Variants in FGF13 observed in about 807,000 individuals in gnomAD.
The protein encoded by FGF13 is fibroblast growth factor 13.
A neutral mutation model predicts 19.5 loss-of-function variants in FGF13; 2 were observed. The ratio of observed to expected loss-of-function variants is 0.10; its 90% CI spans 0.04 to 0.32. The LOEUF (loss-of-function observed/expected upper bound fraction) is 0.32. FGF13 is among the 10% of genes least tolerant of loss of function. FGF13 has a pLI of 1.00. For synonymous variants in FGF13, 72 were observed against 76.9 expected (o/e 0.94, Z 0.33); for missense variants, 113 against 192.7 (o/e 0.59, Z 2.45).
At chrX:138,954,239 T>C in intron 1 of FGF13, among the ~76,000 whole-genome samples, 1 of 111,624 alleles carries the variant, frequency 9.0e-6, no homozygotes, top group Non-Finnish European at 1.9e-5. Context: ...CTCTGTTGTA[T>C]GACAAACGCT....
chrX:138,673,637 C>A (rs992682188), intron 3 of FGF13, among the ~76,000 whole-genome samples: 2 of 111,280 alleles, frequency 1.8e-5, no homozygotes, highest in African/African-American at 6.5e-5. Context: ...TTTTAAGGAC[C>A]CCTTTTTCTT....
intron 3 of FGF13, among the ~76,000 whole-genome samples, chrX:138,700,724 G>C: frequency 9.0e-6 from 1 of 111,627 alleles, no homozygotes; most frequent in Non-Finnish European, 1.9e-5. Context: ...TCATCAAGCA[G>C]GCATATTTCC....
chrX:138,802,601 T>C (rs2124000626), intron 3 of FGF13, among the ~76,000 whole-genome samples: 1 of 111,833 alleles, frequency 8.9e-6, no homozygotes, highest in Admixed American at 9.5e-5. Flanking sequence ...TCTGATATTA[T>C]TGGCCAACTC....
chrX:138,704,341 AAAAAT>A (rs1246854730), intron 2 of FGF13, among the ~76,000 whole-genome samples: 1 of 111,591 alleles, frequency 9.0e-6, no homozygotes, highest in African/African-American at 3.3e-5. Flanking sequence ...CACTGTGAAT[AAAAAT>A]AAAACAGTAC....
At chrX:138,739,453 A>G, upstream of FGF13, 1 of 353,759 alleles carries the variant, frequency 2.8e-6, no homozygotes, top group East Asian at 4.6e-5. Context: ...ACAGACCATT[A>G]TGGCTCTCCC....
chrX:138,936,949 G>T (rs1397262683), intron 1 of FGF13, among the ~76,000 whole-genome samples: 1 of 111,794 alleles, frequency 8.9e-6, no homozygotes, highest in Non-Finnish European at 1.9e-5. Flanking sequence ...GGATGAGTGT[G>T]ACTTTGGCTT....
At chrX:139,031,868 T>A (rs2092227836) in intron 1 of FGF13, among the ~76,000 whole-genome samples, 1 of 111,075 alleles carries the variant, frequency 9.0e-6, no homozygotes, top group Non-Finnish European at 1.9e-5. Flanking sequence ...TCTACAGATG[T>A]ATTTTATAAC....
At chrX:138,964,332 C>T (rs374712317) in intron 1 of FGF13, among the ~76,000 whole-genome samples, 4 of 111,807 alleles carry the variant, frequency 3.6e-5, no homozygotes, top group African/African-American at 1.3e-4. Flanking sequence ...TGACCCCCCA[C>T]TATTTTTCTA....
At chrX:138,983,435 A>ATATATATATATATATATAT (rs2091972786) in intron 1 of FGF13, among the ~76,000 whole-genome samples, 1 of 23,835 alleles carries the variant, frequency 4.2e-5, no homozygotes, top group South Asian at 1.5e-3. Flanking sequence ...TATATATATG[A>ATATATATATATATATATAT]GTTTATTTCT....
intron 3 of FGF13, among the ~76,000 whole-genome samples, chrX:138,805,941 T>G (rs751901005): frequency 4.5e-5 from 5 of 111,632 alleles, no homozygotes; most frequent in Non-Finnish European, 7.5e-5. Flanking sequence ...ATTAAAAAAG[T>G]CTACAACCCT....
chrX:138,838,597 T>C (rs2091128944), intron 3 of FGF13, among the ~76,000 whole-genome samples: 1 of 111,974 alleles, frequency 8.9e-6, no homozygotes, highest in Admixed American at 9.4e-5. Flanking sequence ...ATGGGTTGAG[T>C]TGTTTCCTTC....
chrX:139,131,059 CT>C (rs754019839), intron 1 of FGF13, among the ~76,000 whole-genome samples: 1 of 109,246 alleles, frequency 9.2e-6, no homozygotes, highest in African/African-American at 3.3e-5. Flanking sequence ...CTATAATTTT[CT>C]TTTTTTTTGT....
At chrX:138,885,285 A>C (rs1277704932) in intron 1 of FGF13, among the ~76,000 whole-genome samples, 1 of 111,505 alleles carries the variant, frequency 9.0e-6, no homozygotes, top group African/African-American at 3.3e-5. Flanking sequence ...ATGGAACCAT[A>C]GGATTGGTCT....
chrX:138,984,588 A>AAGGAGG (rs1162674246), intron 1 of FGF13, among the ~76,000 whole-genome samples: 714 of 11,428 alleles, frequency 0.062, 216 homozygotes, highest in Non-Finnish European at 0.1. Flanking sequence ...GAAGAAGAAG[A>AAGGAGG]AGGAGGAGGA....
intron 1 of FGF13, among the ~76,000 whole-genome samples, chrX:138,972,137 G>A (rs749689525): frequency 8.6e-4 from 92 of 107,496 alleles, no homozygotes; most frequent in African/African-American, 3.0e-3. Flanking sequence ...TCCATATCTT[G>A]TCTATTGTGA....
At chrX:138,963,085 C>T (rs965467747) in intron 1 of FGF13, among the ~76,000 whole-genome samples, 1 of 112,725 alleles carries the variant, frequency 8.9e-6, no homozygotes, top group African/African-American at 3.2e-5. Flanking sequence ...TCAAGAAACA[C>T]TTGCTGATGG....
At chrX:138,646,408 G>C (rs758107402) in intron 3 of FGF13, among the ~76,000 whole-genome samples, 7 of 111,379 alleles carry the variant, frequency 6.3e-5, no homozygotes. Context: ...GATATTTCTG[G>C]GGCTGCAAGA....
intron 1 of FGF13, among the ~76,000 whole-genome samples, chrX:139,009,417 C>G (rs1006006666): frequency 8.9e-6 from 1 of 111,818 alleles, no homozygotes; most frequent in Non-Finnish European, 1.9e-5. Flanking sequence ...CATCAGCTAA[C>G]CTATGAAGAA....
intron 3 of FGF13, among the ~76,000 whole-genome samples, chrX:138,756,352 A>C (rs1160731100): frequency 8.9e-6 from 1 of 112,362 alleles, no homozygotes; most frequent in Admixed American, 9.4e-5. Flanking sequence ...TGGAGAAGCC[A>C]AACTAGTCAC....
Sources: gnomAD v4.1 joint callset for allele counts (sites outside exome capture counted in the v4.1 genomes callset) on GRCh38, gnomAD v4.1.1 for gene constraint, MANE v1.5 for transcripts, NCBI Gene and HGNC (gene_info 2026-07-23, HGNC 2026-07-21) for gene names.